The following ATP10A variants were observed in gnomAD, a reference collection of about 807,000 sequenced individuals.
The protein encoded by ATP10A is ATPase phospholipid transporting 10A (putative), also known as phospholipid-transporting ATPase VA.
ATP10A carries 111 observed loss-of-function variants against 147.8 expected under a neutral mutation model. The observed-to-expected ratio is 0.75, with a 90% CI of 0.64 to 0.88. The LOEUF (loss-of-function observed/expected upper bound fraction) is 0.88, where lower values mean the gene tolerates loss of function less well. Ranked by LOEUF, ATP10A falls within the 40% of genes least tolerant of loss-of-function variation. The pLI is 0.00. For synonymous variants in ATP10A, 875 were observed against 841.6 expected, an observed-to-expected ratio of 1.04 and a Z score of -0.69; for missense variants, 1,927 against 1,959.0, an observed-to-expected ratio of 0.98 and a Z score of 0.31.
intron 1 of ATP10A, among the ~76,000 whole-genome samples, chr15:25,829,029 G>A (rs573694509): frequency 6.6e-6 from 1 of 152,122 alleles, no homozygotes; most frequent in East Asian, 1.9e-4. Context: ...AGAAAGGAGG[G>A]GGTAACAGAC....
At chr15:25,847,986 G>A (rs534711407) in intron 1 of ATP10A, among the ~76,000 whole-genome samples, 2 of 119,318 alleles carry the variant, frequency 1.7e-5, no homozygotes, top group Admixed American at 2.0e-4. Flanking sequence ...ACAAAAAGCT[G>A]TAGTTAAGAA....
At position 25,714,258 on chromosome 15, in the gene ATP10A, C is replaced by T; in HGVS notation, c.1777-17G>A. On this transcript the variant is annotated splice_polypyrimidine_tract_variant and intron_variant, in intron 9 of 20. Transcript: ENST00000555815. The stretch of plus-strand genomic sequence containing the variant: ...CACCCTCACCTGCAAGAGAAATGGT[C>T]AGAAGGCAGGTGAGGGAACTGCTAT... The T allele has an allele frequency of 6.3e-7, 1 of 1,598,198 alleles. No individual in the cohort carries two copies. Among genetic ancestry groups the T allele is most frequent in the Non-Finnish European group, 8.5e-7 (1 of 1,179,580 alleles).
intron 1 of ATP10A, among the ~76,000 whole-genome samples, chr15:25,833,536 G>A (rs1406404129): frequency 6.6e-6 from 1 of 152,086 alleles, no homozygotes. Context: ...TCACTCTGGA[G>A]TGAAAAATTA....
chr15:25,725,852 A>G, intron 5 of ATP10A, 99 bp downstream of exon 5: 8 of 1,381,002 alleles, frequency 5.8e-6, no homozygotes, highest in Non-Finnish European at 7.7e-6. Flanking sequence ...TCCTGACCTC[A>G]AGTGATCTGC....
At chr15:25,725,097 C>T (rs906347942) in intron 5 of ATP10A, among the ~76,000 whole-genome samples, 4 of 152,078 alleles carry the variant, frequency 2.6e-5, no homozygotes, top group Admixed American at 2.0e-4. Context: ...CCACCTGAGC[C>T]CCGTCTCCCG....
intron 1 of ATP10A, among the ~76,000 whole-genome samples, chr15:25,824,244 T>A (rs560663880): frequency 3.9e-4 from 60 of 152,128 alleles, no homozygotes; most frequent in African/African-American, 1.4e-3. Flanking sequence ...TCAGAGGCCA[T>A]GGCAGGAGGA....
At chr15:25,743,967 T>C (rs1321652834) in intron 2 of ATP10A, among the ~76,000 whole-genome samples, 1 of 152,134 alleles carries the variant, frequency 6.6e-6, no homozygotes, top group Admixed American at 6.5e-5. Flanking sequence ...TAGCATAACA[T>C]ATCCACAGGT....
chr15:25,725,752 A>T (rs2140441502), intron 5 of ATP10A, among the ~76,000 whole-genome samples, 199 bp downstream of exon 5: 1 of 151,666 alleles, frequency 6.6e-6, no homozygotes, highest in East Asian at 1.9e-4. Flanking sequence ...CTCCTGCCTC[A>T]GTCTCCCGAG....
intron 1 of ATP10A, among the ~76,000 whole-genome samples, chr15:25,815,452 A>G (rs1358303246): frequency 5.4e-5 from 1 of 18,536 alleles, no homozygotes; most frequent in African/African-American, 1.6e-4. Flanking sequence ...ACACTTTAAA[A>G]ATAGCATCTA....
chr15:25,852,788 C>G (rs1893351865), intron 1 of ATP10A, among the ~76,000 whole-genome samples: 1 of 152,282 alleles, frequency 6.6e-6, no homozygotes, highest in African/African-American at 2.4e-5. Flanking sequence ...TTTACTACCC[C>G]TGTACAATCA....
chr15:25,733,991 C>T (rs1180202469), intron 3 of ATP10A, among the ~76,000 whole-genome samples: 2 of 152,190 alleles, frequency 1.3e-5, no homozygotes, highest in African/African-American at 2.4e-5. Context: ...TTCCCCGGCA[C>T]CCGGGGGGAG....
chr15:25,696,853 T>C (rs1230759365), intron 13 of ATP10A, among the ~76,000 whole-genome samples: 1 of 152,242 alleles, frequency 6.6e-6, no homozygotes, highest in East Asian at 1.9e-4. Flanking sequence ...GCAATTCTGC[T>C]ACCGTGGCTA....
intron 1 of ATP10A, among the ~76,000 whole-genome samples, chr15:25,840,449 C>T (rs4349118): frequency 0.63 from 95,033 of 151,608 alleles, 32,148 homozygotes; most frequent in East Asian, 0.91. Context: ...CAAAATCTCC[C>T]TGAGGCCCAT....
At chr15:25,747,037 T>C (rs1887876324) in intron 2 of ATP10A, among the ~76,000 whole-genome samples, 3 of 152,114 alleles carry the variant, frequency 2.0e-5, no homozygotes, top group Non-Finnish European at 4.4e-5. Flanking sequence ...CTGTAATCCC[T>C]ACACTTTGGG....
rs1290940552 is a variant in ATP10A at position 25,681,094 on chromosome 15, A to G, written c.3493-20T>C. 27 of 1,608,330 alleles carry G rather than the reference A, an allele frequency of 1.7e-5. No individual in the cohort carries two copies. Among genetic ancestry groups the G allele is most frequent in the Non-Finnish European group, 2.3e-5 (27 of 1,175,304 alleles). ...GTATTCCTGGGACACAAAAACAATC[A>G]GTGATGTTACAGTGAAGCATTGGCA... On this transcript the variant is annotated intron_variant, in intron 17 of 20. Transcript: ENST00000555815.
At chr15:25,701,679 G>C (rs755287284) in intron 13 of ATP10A, among the ~76,000 whole-genome samples, 3 of 152,198 alleles carry the variant, frequency 2.0e-5, no homozygotes, top group African/African-American at 7.2e-5. Context: ...CAGTATGTCA[G>C]GAGAAACCAG....
chr15:25,799,665 C>T (rs1890846198), intron 1 of ATP10A, among the ~76,000 whole-genome samples: 1 of 152,018 alleles, frequency 6.6e-6, no homozygotes, highest in Non-Finnish European at 1.5e-5. Context: ...CCCAGGAGGT[C>T]GCGGCTGCAG....
At chr15:25,753,030 T>C (rs1179510313) in intron 2 of ATP10A, among the ~76,000 whole-genome samples, 3 of 152,188 alleles carry the variant, frequency 2.0e-5, no homozygotes, top group Non-Finnish European at 2.9e-5. Flanking sequence ...GAATACAATA[T>C]AGAATAACTA....
chr15:25,673,039 G>A (rs1479624566), downstream of ATP10A, among the ~76,000 whole-genome samples: 1 of 152,126 alleles, frequency 6.6e-6, no homozygotes, highest in East Asian at 1.9e-4. Context: ...AGGGTCACAG[G>A]GGCAAGGGCC....
Sources: allele counts gnomAD v4.1 joint callset (sites outside exome capture counted in the v4.1 genomes callset), GRCh38; gene constraint gnomAD v4.1.1; transcripts MANE v1.5; gene names NCBI Gene and HGNC (gene_info 2026-07-23, HGNC 2026-07-21).